Variants in GNA14 observed in about 807,000 individuals in gnomAD.
GNA14 encodes the protein guanine nucleotide-binding protein subunit alpha-14.
A neutral mutation model predicts 42.0 loss-of-function variants in GNA14; 50 were observed. That is an observed-to-expected ratio of 1.19 (90% confidence interval 0.95 to 1.51). The LOEUF is 1.51. GNA14 is among the 40% of genes most tolerant of loss of function. The probability of loss-of-function intolerance (pLI) is 0.00; values close to 1 mark genes in which losing one functional copy is unlikely to be tolerated. For synonymous variants in GNA14, 173 were observed against 163.1 expected (o/e 1.06, Z -0.46); for missense variants, 473 against 446.2 (o/e 1.06, Z -0.54).
chr9:77,490,068 G>C (rs1248300790), intron 2 of GNA14, among the ~76,000 whole-genome samples: 2 of 152,136 alleles, frequency 1.3e-5, no homozygotes, highest in Non-Finnish European at 2.9e-5. Flanking sequence ...AGAGCAGCTA[G>C]ATACAGAGTG....
At chr9:77,484,009 G>A (rs1403497092) in intron 2 of GNA14, among the ~76,000 whole-genome samples, 7 of 152,190 alleles carry the variant, frequency 4.6e-5, no homozygotes, top group Admixed American at 2.0e-4. Flanking sequence ...GGCAGAATAA[G>A]ACATTTAAGA....
chr9:77,577,732 A>G (rs1328817177), intron 1 of GNA14, among the ~76,000 whole-genome samples: 1 of 152,156 alleles, frequency 6.6e-6, no homozygotes, highest in African/African-American at 2.4e-5. Context: ...TAGAATCGAG[A>G]AGGAGGATGA....
rs45466295 is a variant in GNA14, at chr9:77,529,163, G to A, written c.215C>T (p.Thr72Met). ...GAATATGTTTTGGTAAACCAGCTTC[G>A]TGAACCCCTTTCTGTCTTCGTCGCT... ...GYSDEDRKGF[T>M]KLVYQNIFTA... Residue 72 changes from threonine (T) to methionine (M), a missense_variant, in exon 2 of 7, where the codon ACG (threonine) becomes ATG (methionine). Coordinates refer to ENST00000341700, the MANE Select transcript of GNA14 (RefSeq NM_004297.4). 2,186 of 1,613,870 alleles carry A rather than the reference G, an allele frequency of 1.4e-3. 12 individuals carry two copies. Among genetic ancestry groups the A allele is most frequent in the South Asian group, 3.9e-3 (355 of 91,072 alleles).
intron 2 of GNA14, among the ~76,000 whole-genome samples, chr9:77,499,601 A>G (rs1023796850): frequency 3.9e-5 from 6 of 152,188 alleles, no homozygotes; most frequent in Admixed American, 1.3e-4. Context: ...CTGTAATCCC[A>G]GCATTTTGGG....
chr9:77,467,573 G>A (rs1030775122), intron 2 of GNA14, among the ~76,000 whole-genome samples: 1 of 149,824 alleles, frequency 6.7e-6, no homozygotes, highest in African/African-American at 2.5e-5. Flanking sequence ...CATGTCTACT[G>A]TGAATGAACT....
At chr9:77,526,741 C>G (rs1837445730) in intron 2 of GNA14, 1 of 152,158 alleles carries the variant, frequency 6.6e-6, no homozygotes, top group Non-Finnish European at 1.5e-5. Context: ...ACTGTAAAAA[C>G]AATAAATTCT....
chr9:77,463,481 G>A lies in GNA14; in HGVS notation c.310-28959C>T, dbSNP rs148356562. Among the ~76,000 whole-genome samples the A allele has an allele frequency of 9.1e-3, 1,386 of 152,304 alleles. 22 individuals carry two copies. Among genetic ancestry groups the A allele is most frequent in the African/African-American group, 0.03 (1,236 of 41,558 alleles). ...TTTGCTTTTAAAAATCTCCCAGCCC[G>A]GGGTAGGACCAAGGCCAAGGGGATT... On this transcript the variant is annotated intron_variant, in intron 2 of 6. Transcript: ENST00000341700.
chr9:77,519,300 AT>A (rs1784695211), intron 2 of GNA14, among the ~76,000 whole-genome samples: 1 of 152,062 alleles, frequency 6.6e-6, no homozygotes, highest in Non-Finnish European at 1.5e-5. Context: ...ATTCCCAGCT[AT>A]TCGGGAGGCT....
chr9:77,456,570 A>G (rs142248069), intron 2 of GNA14: 3 of 152,356 alleles, frequency 2.0e-5, no homozygotes, highest in South Asian at 2.1e-4. Context: ...GTAAGAGAAT[A>G]TCTGACACCA....
intron 5 of GNA14, among the ~76,000 whole-genome samples, chr9:77,428,613 G>A (rs1835492654): frequency 6.6e-6 from 1 of 152,152 alleles, no homozygotes; most frequent in Non-Finnish European, 1.5e-5. Context: ...GTGCATTCAA[G>A]TTTAGAACCC....
intron 1 of GNA14, among the ~76,000 whole-genome samples, chr9:77,549,124 A>G (rs1022750008): frequency 2.0e-5 from 3 of 152,080 alleles, no homozygotes; most frequent in Non-Finnish European, 4.4e-5. Context: ...TAGCAGAGAC[A>G]GGGTTTCACC....
At position 77,604,439 on chromosome 9, in the gene GNA14, G is replaced by A. The variant is rs535497668; in HGVS notation, c.124+43231C>T. Among the ~76,000 whole-genome samples the A allele has an allele frequency of 3.3e-5, 5 of 152,272 alleles. No individual in the cohort carries two copies. In the East Asian group the frequency reaches 9.6e-4, roughly 29 times the overall value. ...CAGAGTAGGGTGGGATTCAGTGTTGGTCACGTTCCTTACACATGCTGTCAC... is the reference window on the plus strand; with the variant it reads ...CAGAGTAGGGTGGGATTCAGTGTTGATCACGTTCCTTACACATGCTGTCAC... On this transcript the variant is annotated intron_variant, in intron 1 of 6. Coordinates refer to ENST00000341700, the MANE Select transcript of GNA14 (RefSeq NM_004297.4).
chr9:77,544,172 G>C (rs1837692809), intron 1 of GNA14, among the ~76,000 whole-genome samples: 1 of 152,150 alleles, frequency 6.6e-6, no homozygotes, highest in Non-Finnish European at 1.5e-5. Flanking sequence ...CTCATTTTAT[G>C]TCAATAGCTC....
chr9:77,520,848 T>C (rs1837345958), intron 2 of GNA14, among the ~76,000 whole-genome samples: 1 of 152,224 alleles, frequency 6.6e-6, no homozygotes, highest in African/African-American at 2.4e-5. Context: ...CTTTGGATTT[T>C]GTAGGTGCAT....
intron 1 of GNA14, among the ~76,000 whole-genome samples, chr9:77,564,293 A>AT (rs1318374281): frequency 1.0e-5 from 1 of 97,848 alleles, no homozygotes; most frequent in African/African-American, 3.0e-5. Flanking sequence ...AGGCAGCACA[A>AT]TTTAAAAAAA....
At chr9:77,621,456 G>GCA (rs1189334527) in intron 1 of GNA14, among the ~76,000 whole-genome samples, 7 of 152,152 alleles carry the variant, frequency 4.6e-5, no homozygotes, top group Non-Finnish European at 7.3e-5. Flanking sequence ...GCATGCAAGT[G>GCA]CACACACACA....
At chr9:77,552,126 CAA>C (rs34493872) in intron 1 of GNA14, among the ~76,000 whole-genome samples, 431 of 85,054 alleles carry the variant, frequency 5.1e-3, no homozygotes, top group African/African-American at 0.014. Flanking sequence ...AACTCCATCT[CAA>C]AAAAAAAAAA....
At chr9:77,564,977 C>T (rs541777018) in intron 1 of GNA14, among the ~76,000 whole-genome samples, 3 of 152,288 alleles carry the variant, frequency 2.0e-5, no homozygotes, top group South Asian at 4.1e-4. Flanking sequence ...ATATACACAT[C>T]TATGAAAATA....
chr9:77,576,821 A>G (rs1242276430), intron 1 of GNA14, among the ~76,000 whole-genome samples: 4 of 152,198 alleles, frequency 2.6e-5, no homozygotes, highest in Non-Finnish European at 5.9e-5. Context: ...ACCTTTCCCA[A>G]TTTATGAGTG....
Sources: gnomAD v4.1 joint callset for allele counts (sites outside exome capture counted in the v4.1 genomes callset) on GRCh38, gnomAD v4.1.1 for gene constraint, MANE v1.5 for transcripts, NCBI Gene and HGNC (gene_info 2026-07-23, HGNC 2026-07-21) for gene names.